Variants in LURAP1L observed in about 807,000 individuals in gnomAD.
LURAP1L encodes the protein leucine rich adaptor protein 1 like.
In LURAP1L, 12 loss-of-function variants were observed where a neutral mutation model predicts 13.8. The ratio of observed to expected loss-of-function variants is 0.87; its 90% confidence interval spans 0.56 to 1.41. The LOEUF is 1.41. LURAP1L is among the 40% of genes most tolerant of loss of function. LURAP1L has a pLI of 0.00. For missense variants in LURAP1L, 375 were observed against 292.9 expected (o/e 1.28, Z -2.04); for synonymous variants, 139 against 119.2 (o/e 1.17, Z -1.08).
At chr9:12,797,624 CTT>C (rs758063232) in intron 1 of LURAP1L, among the ~76,000 whole-genome samples, 28 of 152,054 alleles carry the variant, frequency 1.8e-4, no homozygotes, top group Admixed American at 2.6e-4. Context: ...ATTATTGTAA[CTT>C]TGTTTTTTTA....
intron 1 of LURAP1L, chr9:12,777,481 G>C: frequency 7.1e-6 from 7 of 985,306 alleles, no homozygotes; most frequent in Non-Finnish European, 8.4e-6. Context: ...ACATCAAGGA[G>C]ATGAGGAAAT....
At chr9:12,807,846 CTT>C (rs1819681061) in intron 1 of LURAP1L, among the ~76,000 whole-genome samples, 1 of 152,056 alleles carries the variant, frequency 6.6e-6, no homozygotes, top group Admixed American at 6.5e-5. Flanking sequence ...TTTTTCTTCT[CTT>C]GGCATATTAA....
rs187886015 is a variant in LURAP1L, at chr9:12,822,094, C to G, written c.*334C>G. 3.3e-4 allele frequency: 66 copies of G among 202,270 alleles called. 1 individual carries two copies. In the East Asian group the frequency reaches 7.1e-3, roughly 22 times the overall value. The allele number at this position is 202,270 out of a possible 1,614,324, so 12.5% of individuals were successfully genotyped here. On this transcript the variant is annotated 3_prime_UTR_variant, in exon 2 of 2. Transcript: ENST00000319264. ...GTCAGGGATTACAAGAAAAACTTTG[C>G]TAAATTTTACAATAAACCAAAGTCT...
chr9:12,807,226 A>G (rs1586884683), intron 1 of LURAP1L, among the ~76,000 whole-genome samples: 1 of 151,098 alleles, frequency 6.6e-6, no homozygotes, highest in Non-Finnish European at 1.5e-5. Context: ...AGATCGTGCC[A>G]CTGCACTCCA....
chr9:12,793,060 C>T lies in LURAP1L; in HGVS notation c.312+17033C>T, dbSNP rs561926572. The stretch of plus-strand genomic sequence containing the variant: ...ACATAAGAAGGACGATTTTGGTAGT[C>T]ACTGGGCCCATGCTGATTAACCCAG... On this transcript the variant is annotated intron_variant, in intron 1 of 1. Transcript: ENST00000319264. Among the ~76,000 whole-genome samples, 4 of 152,142 alleles carry T rather than the reference C, an allele frequency of 2.6e-5. No homozygotes were observed. In the East Asian group the frequency reaches 7.7e-4, roughly 29 times the overall value.
intron 1 of LURAP1L, among the ~76,000 whole-genome samples, chr9:12,791,921 C>G (rs1819446433): frequency 6.6e-6 from 1 of 152,190 alleles, no homozygotes; most frequent in East Asian, 1.9e-4. Context: ...GACTTCAGAC[C>G]TGTCCTAGGA....
chr9:12,820,237 G>A (rs1263301592), intron 1 of LURAP1L, among the ~76,000 whole-genome samples: 1 of 151,824 alleles, frequency 6.6e-6, no homozygotes, highest in Non-Finnish European at 1.5e-5. Flanking sequence ...GGGAGCAGTG[G>A]CTCACGCCTG....
intron 1 of LURAP1L, among the ~76,000 whole-genome samples, chr9:12,808,963 C>T (rs1819700026): frequency 6.6e-6 from 1 of 152,132 alleles, no homozygotes; most frequent in Non-Finnish European, 1.5e-5. Context: ...GTACAGGAAG[C>T]AAGGTGCCAC....
intron 1 of LURAP1L, among the ~76,000 whole-genome samples, chr9:12,795,091 A>C (rs1258508232): frequency 3.3e-5 from 5 of 151,958 alleles, no homozygotes; most frequent in Admixed American, 3.3e-4. Context: ...GAAGCTGGTC[A>C]ATTGCTTATC....
chr9:12,797,397 T>G (rs1166894828), intron 1 of LURAP1L, among the ~76,000 whole-genome samples: 1 of 152,090 alleles, frequency 6.6e-6, no homozygotes, highest in Non-Finnish European at 1.5e-5. Context: ...TGTTAGGAGG[T>G]ACCAATGCCA....
chr9:12,807,221 G>A (rs1819672638), intron 1 of LURAP1L, among the ~76,000 whole-genome samples: 1 of 150,316 alleles, frequency 6.7e-6, no homozygotes. Flanking sequence ...AGCTGAGATC[G>A]TGCCACTGCA....
rs148278154 is a variant in LURAP1L, at chr9:12,801,469, T to C, written c.313-19917T>C. On this transcript the variant is annotated intron_variant, in intron 1 of 1. Coordinates refer to ENST00000319264, the MANE Select transcript of LURAP1L (RefSeq NM_203403.2). ...TAGTATGTACATATATGCATGTAAG[T>C]GTGTATTTTCTAAAGGGAAACATGA... Among the ~76,000 whole-genome samples, 13 of 152,186 alleles carry C rather than the reference T, an allele frequency of 8.5e-5. No homozygotes were observed. In the East Asian group the frequency reaches 2.3e-3, roughly 27 times the overall value.
At chr9:12,816,251 G>C (rs535345593) in intron 1 of LURAP1L, among the ~76,000 whole-genome samples, 16 of 152,294 alleles carry the variant, frequency 1.1e-4, no homozygotes, top group African/African-American at 3.8e-4. Flanking sequence ...GATATGTTAG[G>C]TGGATGCCTC....
intron 1 of LURAP1L, among the ~76,000 whole-genome samples, chr9:12,795,518 T>C (rs987376955): frequency 6.6e-6 from 1 of 152,040 alleles, no homozygotes; most frequent in Non-Finnish European, 1.5e-5. Flanking sequence ...AAGGTAGTGA[T>C]AAGCATGGAT....
At chr9:12,821,242 C>A in intron 1 of LURAP1L, 144 bp from the exon 2 acceptor site, 1 of 970,646 alleles carries the variant, frequency 1.0e-6, no homozygotes, top group Non-Finnish European at 1.5e-6. Flanking sequence ...CAGCAATTAT[C>A]AAAAAGTTCC....
At chr9:12,811,022 A>T (rs948148927) in intron 1 of LURAP1L, among the ~76,000 whole-genome samples, 2 of 152,226 alleles carry the variant, frequency 1.3e-5, no homozygotes, top group Non-Finnish European at 2.9e-5. Flanking sequence ...GGGCCATTGT[A>T]CAGGTCTTTT....
chr9:12,812,813 C>A (rs1431138506), intron 1 of LURAP1L, among the ~76,000 whole-genome samples: 1 of 152,044 alleles, frequency 6.6e-6, no homozygotes, highest in Non-Finnish European at 1.5e-5. Context: ...AGAAATATAG[C>A]CATCAAAAAT....
chr9:12,820,498 G>GGCCCCC (rs1586889455), intron 1 of LURAP1L, among the ~76,000 whole-genome samples: 2 of 28,300 alleles, frequency 7.1e-5, no homozygotes, highest in Non-Finnish European at 1.3e-4. Context: ...TCGAGACTCC[G>GGCCCCC]TCCCCCCCCC....
chr9:12,819,967 A>G (rs1819851683), intron 1 of LURAP1L, among the ~76,000 whole-genome samples: 1 of 152,040 alleles, frequency 6.6e-6, no homozygotes, highest in African/African-American at 2.4e-5. Flanking sequence ...ACAAACAAGC[A>G]AACAAACCAT....
Sources: gnomAD v4.1 joint callset for allele counts (sites outside exome capture counted in the v4.1 genomes callset) on GRCh38, gnomAD v4.1.1 for gene constraint, MANE v1.5 for transcripts, NCBI Gene and HGNC (gene_info 2026-07-23, HGNC 2026-07-21) for gene names.